Variants in SEM1 observed in about 807,000 individuals in gnomAD.
SEM1 encodes the protein 26S proteasome complex subunit SEM1.
Under a neutral mutation model 12.7 loss-of-function variants are expected in SEM1, and 3 were observed. That is an observed-to-expected ratio of 0.24 (90% confidence interval 0.11 to 0.61). The LOEUF (loss-of-function observed/expected upper bound fraction) is 0.61, where lower values mean the gene tolerates loss of function less well. Among genes scored for constraint, SEM1 ranks in the 20% least tolerant of loss-of-function variants. SEM1 has a pLI of 0.88. For synonymous variants in SEM1, 30 were observed against 27.8 expected (o/e 1.08, Z -0.25); for missense variants, 59 against 81.3 (o/e 0.73, Z 1.06).
At chr7:96,484,212 A>T (rs1802662203) in intron 3 of SEM1, among the ~76,000 whole-genome samples, 1 of 152,186 alleles carries the variant, frequency 6.6e-6, no homozygotes, top group African/African-American at 2.4e-5. Flanking sequence ...TCCAGAGGTT[A>T]TGCCCTACAG....
chr7:96,605,259 T>C (rs1201515892), intron 2 of SEM1, among the ~76,000 whole-genome samples: 1 of 152,116 alleles, frequency 6.6e-6, no homozygotes, highest in African/African-American at 2.4e-5. Flanking sequence ...GGCCCTACAT[T>C]GGCATTCGTG....
intron 1 of SEM1, among the ~76,000 whole-genome samples, chr7:96,495,292 T>A (rs1803196528): frequency 6.6e-6 from 1 of 152,156 alleles, no homozygotes; most frequent in East Asian, 1.9e-4. Context: ...ATACCAAATT[T>A]GGAGCTAACA....
At chr7:96,550,249 C>T (rs185292032) in intron 2 of SEM1, among the ~76,000 whole-genome samples, 3 of 152,142 alleles carry the variant, frequency 2.0e-5, no homozygotes, top group Middle Eastern at 3.4e-3. Flanking sequence ...GAATATGATA[C>T]ATGGTTATAA....
chr7:96,673,670 G>T, exon 3 of SEM1: 1 of 720,924 alleles, frequency 1.4e-6, no homozygotes, highest in South Asian at 1.5e-5. Context: ...ATATCCACAT[G>T]ACTAGTGCTC....
chr7:96,689,620 A>G (rs1443914709), intron 2 of SEM1, among the ~76,000 whole-genome samples: 1 of 152,230 alleles, frequency 6.6e-6, no homozygotes, highest in Non-Finnish European at 1.5e-5. Context: ...CTTAGACACC[A>G]CTACACTATT....
chr7:96,551,060 A>C (rs1432290609), intron 2 of SEM1, among the ~76,000 whole-genome samples: 1 of 152,170 alleles, frequency 6.6e-6, no homozygotes, highest in African/African-American at 2.4e-5. Flanking sequence ...TATTTGAGGA[A>C]ATGCTTATGA....
chr7:96,490,246 G>C (rs1275313747), intron 1 of SEM1, among the ~76,000 whole-genome samples: 1 of 152,054 alleles, frequency 6.6e-6, no homozygotes. Flanking sequence ...CAGATTCCAA[G>C]GACGTTGAAG....
intron 2 of SEM1, among the ~76,000 whole-genome samples, chr7:96,535,501 C>G (rs141351863): frequency 1.5e-3 from 228 of 151,810 alleles, no homozygotes; most frequent in African/African-American, 5.3e-3. Flanking sequence ...GATACATGTG[C>G]AGGTTTGTTA....
chr7:96,670,863 G>T (rs1789296391), downstream of SEM1, among the ~76,000 whole-genome samples: 1 of 152,148 alleles, frequency 6.6e-6, no homozygotes, highest in South Asian at 2.1e-4. Flanking sequence ...AATCTGCTTT[G>T]TGTTACTTTC....
chr7:96,650,632 C>T (rs1808945453), intron 2 of SEM1: 2 of 645,048 alleles, frequency 3.1e-6, no homozygotes, highest in African/African-American at 3.7e-5. Context: ...TAAATGAAAC[C>T]CCCCAAGTTC....
At chr7:96,486,130 G>T in intron 2 of SEM1, 1 of 1,059,560 alleles carries the variant, frequency 9.4e-7, no homozygotes, top group Non-Finnish European at 1.4e-6. Flanking sequence ...TTAGTATCTG[G>T]TGTCAAAGAC....
chr7:96,675,955 A>G (rs1295504840), intron 2 of SEM1, among the ~76,000 whole-genome samples: 1 of 152,212 alleles, frequency 6.6e-6, no homozygotes, highest in African/African-American at 2.4e-5. Context: ...CTCATTTGGC[A>G]TAACATATTT....
At chr7:96,689,729 T>C (rs1296462056) in intron 2 of SEM1, among the ~76,000 whole-genome samples, 1 of 152,212 alleles carries the variant, frequency 6.6e-6, no homozygotes, top group Non-Finnish European at 1.5e-5. Flanking sequence ...AGAATACAAA[T>C]AGTGAGCTAA....
At chr7:96,601,589 G>A (rs973117208) in intron 2 of SEM1, among the ~76,000 whole-genome samples, 7 of 152,164 alleles carry the variant, frequency 4.6e-5, no homozygotes, top group African/African-American at 1.4e-4. Context: ...TGAAAAGGTA[G>A]TAAAAAGTCA....
At chr7:96,648,840 G>A (rs1490933449) in intron 2 of SEM1, among the ~76,000 whole-genome samples, 3 of 152,136 alleles carry the variant, frequency 2.0e-5, no homozygotes, top group Admixed American at 1.3e-4. Flanking sequence ...ACAAAGCCTC[G>A]GCCACTCACC....
intron 2 of SEM1, among the ~76,000 whole-genome samples, chr7:96,642,637 CTAAA>C (rs770389780): frequency 6.6e-6 from 1 of 151,902 alleles, no homozygotes; most frequent in Non-Finnish European, 1.5e-5. Context: ...ATTAATCCTA[CTAAA>C]TAATTATTTC....
At chr7:96,602,652 G>A (rs1232800953) in intron 2 of SEM1, among the ~76,000 whole-genome samples, 1 of 152,088 alleles carries the variant, frequency 6.6e-6, no homozygotes, top group African/African-American at 2.4e-5. Context: ...ATTGTATTTG[G>A]GAAATTCAGC....
intron 2 of SEM1, among the ~76,000 whole-genome samples, chr7:96,609,838 T>G (rs149528174): frequency 2.6e-5 from 4 of 152,128 alleles, no homozygotes; most frequent in African/African-American, 9.7e-5. Flanking sequence ...TTGGGAATGG[T>G]GAAAGATGAG....
At chr7:96,672,234 A>T (rs1010294059), downstream of SEM1, among the ~76,000 whole-genome samples, 4 of 152,220 alleles carry the variant, frequency 2.6e-5, no homozygotes, top group Admixed American at 2.6e-4. Flanking sequence ...TGGGCAGGAA[A>T]CCAAGAGTTG....
Sources: gnomAD v4.1 joint callset for allele counts (sites outside exome capture counted in the v4.1 genomes callset) on GRCh38, gnomAD v4.1.1 for gene constraint, MANE v1.5 for transcripts, NCBI Gene and HGNC (gene_info 2026-07-23, HGNC 2026-07-21) for gene names.